The following CLEC20A variants were observed in gnomAD, a reference collection of about 807,000 sequenced individuals.
CLEC20A encodes the protein C-type lectin domain containing 20A.
chr1:178,482,822 T>C (rs1485458344), intron 6 of CLEC20A: 1 of 207,612 alleles, frequency 4.8e-6, no homozygotes, highest in Non-Finnish European at 9.5e-6. Context: ...CCATCCATAA[T>C]CATTACAGGA....
rs144111550 is a variant in CLEC20A at position 178,488,761 on chromosome 1, G to A, written c.830-162C>T. Among the ~76,000 whole-genome samples, 383 of 152,352 alleles carry A rather than the reference G, an allele frequency of 2.5e-3. 2 individuals carry two copies. The highest frequency in any genetic ancestry group is 4.4e-3 in the Admixed American group (67 of 15,310). ...CTACCGTGTGCCAATCCCTGCAGGA[G>A]ACACATTCACCATCTCTAATCCTCA... On this transcript the variant is annotated intron_variant, in intron 4 of 7. Transcript: ENST00000623247.
chr1:178,494,483 G>A (rs900363100), exon 2 of CLEC20A: 3 of 399,682 alleles, frequency 7.5e-6, no homozygotes, highest in Admixed American at 4.4e-5. Flanking sequence ...CTTCTGGGCT[G>A]TGCAGGAGGC....
exon 6 of CLEC20A, chr1:178,483,225 G>A (rs917609273): frequency 2.0e-5 from 8 of 398,444 alleles, no homozygotes; most frequent in Admixed American, 4.4e-5. Context: ...CAGATGTTGG[G>A]CCTCCGTGGC....
At chr1:178,496,115 T>C (rs1649381813) in intron 1 of CLEC20A, 1 of 152,212 alleles carries the variant, frequency 6.6e-6, no homozygotes, top group South Asian at 2.1e-4. Flanking sequence ...ATTTTTTTAA[T>C]GACTGGCTGT....
chr1:178,483,252 CTA>C lies in CLEC20A; in HGVS notation c.957_958del (p.Asp319GlufsTer18). The C allele has an allele frequency of 2.5e-6, 1 of 398,602 alleles. No homozygotes were observed. Among genetic ancestry groups the C allele is most frequent in the Admixed American group, 4.4e-5 (1 of 22,744 alleles). The allele number at this position is 398,602 out of a possible 1,614,324, so 24.7% of individuals were successfully genotyped here. On this transcript the variant is annotated frameshift_variant, in exon 6 of 8. Coordinates refer to ENST00000623247, the Ensembl canonical transcript of CLEC20A. LOFTEE classifies it high-confidence loss of function. ...CTCCGTGGCAGCAGCTGTATCTCTT[CTA>C]TCAGTGCCACTCCCTACACTGGCCA...
intron 5 of CLEC20A, chr1:178,484,699 CAA>C (rs1649089964): frequency 6.6e-6 from 1 of 151,368 alleles, no homozygotes; most frequent in East Asian, 1.9e-4. Flanking sequence ...AAAAACAAAA[CAA>C]AAAGCAAAAA....
chr1:178,491,051 G>A (rs919835085), intron 3 of CLEC20A, among the ~76,000 whole-genome samples: 9 of 152,212 alleles, frequency 5.9e-5, no homozygotes, highest in Non-Finnish European at 1.0e-4. Context: ...TGGACAGGAG[G>A]CAGAGCAGGC....
At chr1:178,487,021 C>A (rs376600549) in intron 5 of CLEC20A, 273 of 392,684 alleles carry the variant, frequency 7.0e-4, no homozygotes, top group African/African-American at 5.0e-3. Context: ...TGAAGCCGGG[C>A]CCTGCGAGGC....
chr1:178,494,400 C>G, intron 2 of CLEC20A, 54 bp downstream of exon 2: 1 of 399,574 alleles, frequency 2.5e-6, no homozygotes, highest in East Asian at 3.6e-5. Context: ...GCCTGGGCAA[C>G]AGAGTGAGGC....
intron 6 of CLEC20A, 114 bp downstream of exon 6, chr1:178,483,061 C>T: frequency 2.5e-6 from 1 of 396,338 alleles, no homozygotes; most frequent in Non-Finnish European, 4.4e-6. Context: ...CTATTCCCAA[C>T]ATTTCATGCT....
At chr1:178,487,180 G>A (rs1413664946) in intron 5 of CLEC20A, among the ~76,000 whole-genome samples, 1 of 152,188 alleles carries the variant, frequency 6.6e-6, no homozygotes, top group Non-Finnish European at 1.5e-5. Flanking sequence ...GCCTGGCCTT[G>A]CCCACCCAGT....
At chr1:178,498,248 C>T (rs189275634), upstream of CLEC20A, among the ~76,000 whole-genome samples, 30 of 152,188 alleles carry the variant, frequency 2.0e-4, no homozygotes, top group Admixed American at 6.5e-4. Flanking sequence ...GTTCTGCTTC[C>T]GCACGGTCAG....
intron 5 of CLEC20A, chr1:178,484,775 A>T (rs527632114): frequency 1.3e-5 from 2 of 152,340 alleles, no homozygotes; most frequent in Admixed American, 6.5e-5. Context: ...AGCATTTTTT[A>T]AAATGTATTT....
exon 4 of CLEC20A, chr1:178,490,288 T>G: frequency 2.5e-6 from 1 of 398,708 alleles, no homozygotes; most frequent in Non-Finnish European, 4.4e-6. Context: ...TCACTCATGA[T>G]GGATCTCAAG....
intron 7 of CLEC20A, chr1:178,482,064 C>CAA: frequency 1.0e-5 from 3 of 291,754 alleles, no homozygotes; most frequent in Non-Finnish European, 1.8e-5. Context: ...CTGTCTTGAC[C>CAA]AAAAAAAAAC....
intron 5 of CLEC20A, among the ~76,000 whole-genome samples, chr1:178,484,878 G>A (rs1431113841): frequency 1.3e-5 from 2 of 151,960 alleles, no homozygotes; most frequent in African/African-American, 4.8e-5. Context: ...AACAGGCCTG[G>A]GTTCCACCCA....
chr1:178,495,212 C>A (rs909653424), intron 1 of CLEC20A, among the ~76,000 whole-genome samples: 2 of 152,228 alleles, frequency 1.3e-5, no homozygotes, highest in Non-Finnish European at 2.9e-5. Flanking sequence ...GTGCCATCAG[C>A]TCAAGGAATT....
intron 2 of CLEC20A, chr1:178,493,418 A>T (rs919208323): frequency 1.3e-5 from 2 of 152,678 alleles, no homozygotes; most frequent in African/African-American, 4.8e-5. Flanking sequence ...GATGGCACAG[A>T]GTTGGACTGA....
At chr1:178,494,427 A>G in intron 2 of CLEC20A, 27 bp downstream of exon 2, 1 of 400,258 alleles carries the variant, frequency 2.5e-6, no homozygotes, top group Non-Finnish European at 4.4e-6. Flanking sequence ...GGGAAAGACC[A>G]AGCCTGAAAT....
Sources: gnomAD v4.1 joint callset for allele counts (sites outside exome capture counted in the v4.1 genomes callset) on GRCh38, gnomAD v4.1.1 for gene constraint, MANE v1.5 for transcripts, NCBI Gene and HGNC (gene_info 2026-07-23, HGNC 2026-07-21) for gene names.